GRM7: variants seen among roughly 807,000 people sequenced by gnomAD.
GRM7 encodes the protein metabotropic glutamate receptor 7.
Under a neutral mutation model 84.5 loss-of-function variants are expected in GRM7, and 35 were observed. The ratio of observed to expected loss-of-function variants is 0.41; its 90% confidence interval spans 0.32 to 0.55. The LOEUF is 0.55. Ranked by LOEUF, GRM7 falls within the 20% of genes least tolerant of loss-of-function variation. The pLI is 0.19. For missense variants in GRM7, 1,003 were observed against 1,194.6 expected (o/e 0.84, Z 2.36); for synonymous variants, 487 against 455.1 (o/e 1.07, Z -0.89).
intron 2 of GRM7, among the ~76,000 whole-genome samples, chr3:7,229,763 T>A (rs868640334): frequency 0.018 from 868 of 47,752 alleles, 6 homozygotes; most frequent in Middle Eastern, 0.037. Context: ...ATATATATTT[T>A]TTTTTTTTTT....
chr3:7,292,036 G>A (rs1453481060), intron 2 of GRM7, among the ~76,000 whole-genome samples: 1 of 152,128 alleles, frequency 6.6e-6, no homozygotes, highest in East Asian at 1.9e-4. Context: ...TCTGCCTTCT[G>A]CCATGATCGT....
chr3:6,876,989 G>A (rs770049617), intron 1 of GRM7, among the ~76,000 whole-genome samples: 1 of 152,160 alleles, frequency 6.6e-6, no homozygotes, highest in Non-Finnish European at 1.5e-5. Flanking sequence ...TTGTAATGAA[G>A]TCTTTGTCTG....
rs148820349 is a variant in GRM7 at position 7,025,318 on chromosome 3, A to G, written c.520-121134A>G. On this transcript the variant is annotated intron_variant, in intron 1 of 9. Transcript: ENST00000357716. ...ATGGGTTCTAGGAATTAGGATGTGG[A>G]CATCTCTGGGGATGAAGCATTATTC... Among the ~76,000 whole-genome samples, 23 of 152,308 alleles carry G rather than the reference A, an allele frequency of 1.5e-4. No homozygotes were observed. The East Asian group carries it at 4.4e-3, about 29-fold the overall frequency.
At chr3:7,577,669 T>A (rs1350377547) in intron 7 of GRM7, among the ~76,000 whole-genome samples, 1 of 152,210 alleles carries the variant, frequency 6.6e-6, no homozygotes, top group Non-Finnish European at 1.5e-5. Flanking sequence ...TTCTCTAGGA[T>A]AGTCTAAATG....
intron 2 of GRM7, among the ~76,000 whole-genome samples, chr3:7,249,663 A>T (rs189315122): frequency 5.9e-5 from 9 of 152,344 alleles, no homozygotes; most frequent in Admixed American, 5.9e-4. Context: ...CAGACAAATC[A>T]TCACATCAGA....
intron 8 of GRM7, among the ~76,000 whole-genome samples, chr3:7,650,166 G>T (rs1308788521): frequency 6.6e-6 from 1 of 152,064 alleles, no homozygotes; most frequent in Admixed American, 6.6e-5. Flanking sequence ...CGAGGTTAAT[G>T]CTATTAAGTA....
intron 8 of GRM7, among the ~76,000 whole-genome samples, chr3:7,660,930 A>T (rs1401337132): frequency 3.3e-5 from 5 of 152,222 alleles, no homozygotes; most frequent in African/African-American, 1.2e-4. Context: ...ATAAACAAAC[A>T]TGCACAGACC....
At chr3:7,194,738 G>A (rs1695824678) in intron 2 of GRM7, among the ~76,000 whole-genome samples, 1 of 152,158 alleles carries the variant, frequency 6.6e-6, no homozygotes, top group African/African-American at 2.4e-5. Flanking sequence ...TTAAACAGAG[G>A]TAATGTTAGT....
intron 4 of GRM7, among the ~76,000 whole-genome samples, chr3:7,394,324 C>T (rs575492096): frequency 6.6e-6 from 1 of 152,306 alleles, no homozygotes; most frequent in South Asian, 2.1e-4. Context: ...CACAAAGATA[C>T]TGTAAAAGAT....
intron 2 of GRM7, among the ~76,000 whole-genome samples, chr3:7,174,433 G>A (rs1159027725): frequency 6.6e-6 from 1 of 152,150 alleles, no homozygotes; most frequent in Non-Finnish European, 1.5e-5. Flanking sequence ...ATCATGCTAG[G>A]TTTCAATCCC....
intron 1 of GRM7, among the ~76,000 whole-genome samples, chr3:6,945,686 A>C (rs1358916086): frequency 6.6e-6 from 1 of 152,132 alleles, no homozygotes; most frequent in Non-Finnish European, 1.5e-5. Flanking sequence ...CCAACAGTGT[A>C]AAAGTGTTCC....
At chr3:7,616,062 T>C (rs1697065184) in intron 8 of GRM7, among the ~76,000 whole-genome samples, 1 of 152,092 alleles carries the variant, frequency 6.6e-6, no homozygotes, top group African/African-American at 2.4e-5. Context: ...CTGAAGTAGG[T>C]AGCAGGCTAC....
chr3:7,040,556 G>A (rs980176689), intron 1 of GRM7, among the ~76,000 whole-genome samples: 6 of 151,756 alleles, frequency 4.0e-5, no homozygotes, highest in African/African-American at 1.5e-4. Context: ...GTCCACCTCG[G>A]CCTCCCAAAG....
chr3:7,503,695 T>C (rs1329955414), intron 7 of GRM7, among the ~76,000 whole-genome samples: 2 of 152,160 alleles, frequency 1.3e-5, no homozygotes, highest in Non-Finnish European at 2.9e-5. Context: ...GTCGGCATGT[T>C]TGTCACTGTT....
rs115404303 is a variant in GRM7, at chr3:7,224,733, C to T, written c.737-73951C>T. On this transcript the variant is annotated intron_variant, in intron 2 of 9. Coordinates refer to ENST00000357716, the MANE Select transcript of GRM7 (RefSeq NM_000844.4). Reference sequence around the variant, plus strand: ...TTTCATTTCAAGAAATTATGGAGAACCGTTCTGTCTCTTTATAGTCTTTTG... The same window carrying T: ...TTTCATTTCAAGAAATTATGGAGAATCGTTCTGTCTCTTTATAGTCTTTTG... 5.4e-3 allele frequency among the ~76,000 whole-genome samples: 815 copies of T among 152,174 alleles called. 2 individuals carry two copies. Among genetic ancestry groups the T allele is most frequent in the Non-Finnish European group, 9.1e-3 (617 of 68,016 alleles).
chr3:6,957,249 T>C (rs17046463), intron 1 of GRM7, among the ~76,000 whole-genome samples: 4,848 of 152,270 alleles, frequency 0.032, 264 homozygotes, highest in African/African-American at 0.11. Context: ...AATCTCTCTG[T>C]TGAAGGAATT....
intron 2 of GRM7, among the ~76,000 whole-genome samples, chr3:7,221,417 G>A (rs1297537525): frequency 2.0e-5 from 3 of 151,946 alleles, no homozygotes; most frequent in African/African-American, 7.2e-5. Context: ...TTTCCATTGG[G>A]TTGTTTTTCT....
chr3:7,331,909 A>G (rs1701223541), intron 4 of GRM7, among the ~76,000 whole-genome samples: 1 of 152,184 alleles, frequency 6.6e-6, no homozygotes, highest in South Asian at 2.1e-4. Context: ...AAGTAGCAAA[A>G]CCTGAAGTAA....
chr3:6,970,832 A>G (rs573467911), intron 1 of GRM7, among the ~76,000 whole-genome samples: 75 of 152,244 alleles, frequency 4.9e-4, no homozygotes, highest in Non-Finnish European at 6.8e-4. Context: ...AATACAAAAA[A>G]TTAGCCGGGC....
Sources: gnomAD v4.1 joint callset for allele counts (sites outside exome capture counted in the v4.1 genomes callset) on GRCh38, gnomAD v4.1.1 for gene constraint, MANE v1.5 for transcripts, NCBI Gene and HGNC (gene_info 2026-07-23, HGNC 2026-07-21) for gene names.